The following SYNE2 variants were observed in gnomAD, a reference collection of about 807,000 sequenced individuals.
SYNE2 encodes nesprin-2.
A neutral mutation model predicts 856.3 loss-of-function variants in SYNE2; 431 were observed. The observed-to-expected ratio is 0.50, with a 90% confidence interval of 0.47 to 0.55. The LOEUF (loss-of-function observed/expected upper bound fraction) is 0.55, where lower values mean the gene tolerates loss of function less well. Ranked by LOEUF, SYNE2 falls within the 20% of genes least tolerant of loss-of-function variation. The pLI, the probability that SYNE2 is intolerant of heterozygous loss-of-function variation, is 0.00. For synonymous variants in SYNE2, 2,923 were observed against 2,872.3 expected, an observed-to-expected ratio of 1.02 and a Z score of -0.56; for missense variants, 8,129 against 8,023.2, an observed-to-expected ratio of 1.01 and a Z score of -0.50.
At chr14:63,789,661 C>T (rs779760372) in intron 1 of SYNE2, among the ~76,000 whole-genome samples, 6 of 151,894 alleles carry the variant, frequency 4.0e-5, no homozygotes, top group Non-Finnish European at 7.4e-5. Flanking sequence ...CACTGTAATC[C>T]CAGCTACTCT....
chr14:64,214,055 C>G, intron 105 of SYNE2, 139 bp from the exon 106 acceptor site: 3 of 1,310,764 alleles, frequency 2.3e-6, no homozygotes, highest in Non-Finnish European at 2.1e-6. Flanking sequence ...GACCTGGGAA[C>G]CTGATCTTTT....
intron 1 of SYNE2, among the ~76,000 whole-genome samples, chr14:63,902,407 C>CA (rs10533353): frequency 0.016 from 1,194 of 74,178 alleles, 30 homozygotes; most frequent in African/African-American, 0.044. Flanking sequence ...CGAGACTCCT[C>CA]AAAAAAAAAA....
intron 21 of SYNE2, among the ~76,000 whole-genome samples, chr14:63,993,531 C>T (rs760339043): frequency 1.3e-5 from 2 of 152,180 alleles, no homozygotes; most frequent in Admixed American, 6.5e-5. Context: ...TTTATAATTA[C>T]TTATCAATGG....
intron 1 of SYNE2, among the ~76,000 whole-genome samples, chr14:63,773,409 C>T (rs1886993928): frequency 1.3e-5 from 2 of 152,088 alleles, no homozygotes; most frequent in South Asian, 4.2e-4. Flanking sequence ...CCATGTTGCC[C>T]AGGCTGGTCT....
Position 64,024,413 on chromosome 14 carries a change from C to G in SYNE2, c.5794C>G (p.Gln1932Glu). Reference protein sequence around the residue: ...FELEKMESICQARAKELEDSL... With the variant: ...FELEKMESICEARAKELEDSL... ...ATTAGAAAAAATGGAGTCCATATGC[C>G]AGGCTCGAGCAAAGGAGCTTGAAGA... Residue 1932 changes from glutamine to glutamate, a missense_variant, in exon 39 of 116, where the codon CAG becomes GAG. This residue lies in a region of SYNE2 where 2,422 missense variants were observed against 2,357.4 expected (regional missense o/e 1.03). Transcript: ENST00000555002. 2 of 1,614,108 alleles carry G rather than the reference C, an allele frequency of 1.2e-6. No individual in the cohort carries two copies. The highest frequency in any genetic ancestry group is 1.7e-6 in the Non-Finnish European group (2 of 1,179,984).
At chr14:63,900,294 T>C (rs2153319581) in intron 1 of SYNE2, among the ~76,000 whole-genome samples, 1 of 152,356 alleles carries the variant, frequency 6.6e-6, no homozygotes. Context: ...GTTTTCACGC[T>C]GCTGATAAAG....
intron 10 of SYNE2, among the ~76,000 whole-genome samples, chr14:63,964,299 GT>G (rs1185163788): frequency 6.6e-6 from 1 of 152,148 alleles, no homozygotes; most frequent in Non-Finnish European, 1.5e-5. Flanking sequence ...GAGCAGCATG[GT>G]TTTAGAGCAG....
intron 7 of SYNE2, among the ~76,000 whole-genome samples, chr14:63,951,150 C>G (rs533241999): frequency 3.3e-5 from 5 of 151,970 alleles, no homozygotes. Context: ...GAACAGCTGT[C>G]GAGTTCAAAA....
intron 45 of SYNE2, among the ~76,000 whole-genome samples, chr14:64,045,159 T>A (rs1261620312): frequency 6.6e-6 from 1 of 152,198 alleles, no homozygotes; most frequent in Non-Finnish European, 1.5e-5. Context: ...CAAGGGATTC[T>A]GTTGGCTTTT....
chr14:64,102,151 C>A (rs2097735715), intron 64 of SYNE2, 109 bp downstream of exon 64: 1 of 779,578 alleles, frequency 1.3e-6, no homozygotes, highest in Non-Finnish European at 2.2e-6. Flanking sequence ...CGGACTCGCT[C>A]TGTCGCCCAG....
At chr14:64,059,156 G>A (rs76183884) in intron 49 of SYNE2, among the ~76,000 whole-genome samples, 1,824 of 152,142 alleles carry the variant, frequency 0.012, 40 homozygotes, top group African/African-American at 0.041. Context: ...CTCTGAAATT[G>A]GTTCCTGGTG....
At chr14:63,946,214 C>G (rs2096024152) in intron 6 of SYNE2, among the ~76,000 whole-genome samples, 1 of 151,870 alleles carries the variant, frequency 6.6e-6, no homozygotes, top group Admixed American at 6.6e-5. Flanking sequence ...TTGAGCCCAG[C>G]AATATAATAC....
At chr14:64,037,930 G>A (rs866551425) in intron 45 of SYNE2, among the ~76,000 whole-genome samples, 42 of 151,690 alleles carry the variant, frequency 2.8e-4, no homozygotes, top group South Asian at 2.5e-3. Context: ...GCGGCTGGCC[G>A]GGCGGGGGGC....
intron 96 of SYNE2, among the ~76,000 whole-genome samples, chr14:64,185,981 A>T (rs944800618): frequency 6.6e-6 from 1 of 152,260 alleles, no homozygotes; most frequent in African/African-American, 2.4e-5. Flanking sequence ...TGTTGCTGTT[A>T]CGTGATTGCC....
chr14:64,049,574 GA>G, intron 46 of SYNE2, 36 bp from the exon 47 acceptor site: 1 of 1,605,822 alleles, frequency 6.2e-7, no homozygotes, highest in Non-Finnish European at 8.5e-7. Flanking sequence ...ATAAATAAGT[GA>G]GTGTTTATTG....
At chr14:63,819,106 AT>A (rs1336722071) in intron 1 of SYNE2, among the ~76,000 whole-genome samples, 1 of 152,144 alleles carries the variant, frequency 6.6e-6, no homozygotes, top group Non-Finnish European at 1.5e-5. Context: ...AACTGCTTAT[AT>A]CTGATTGCTC....
chr14:63,788,391 G>A (rs1336814174), intron 1 of SYNE2, among the ~76,000 whole-genome samples: 1 of 152,118 alleles, frequency 6.6e-6, no homozygotes, highest in South Asian at 2.1e-4. Flanking sequence ...CGGCTCCTTG[G>A]AGCAGGAGGC....
rs1195311104 is a variant in SYNE2 at position 63,798,375 on chromosome 14, C to T, written c.-305+36389C>T. ...TTCTTGCATACGTCTTATCTAGAAACCTTAACTTGTTTTTTTTTTTTTCTT... is the reference window on the plus strand; with the variant it reads ...TTCTTGCATACGTCTTATCTAGAAATCTTAACTTGTTTTTTTTTTTTTCTT... On this transcript the variant is annotated intron_variant, in intron 1 of 23. Coordinates refer to the SYNE2 transcript ENST00000674003. 2.0e-5 allele frequency among the ~76,000 whole-genome samples: 3 copies of T among 151,824 alleles called. No individual in the cohort carries two copies. In the East Asian group the frequency reaches 5.8e-4, roughly 29 times the overall value.
At chr14:63,864,096 A>C (rs1894558022) in intron 1 of SYNE2, among the ~76,000 whole-genome samples, 1 of 152,212 alleles carries the variant, frequency 6.6e-6, no homozygotes, top group Non-Finnish European at 1.5e-5. Flanking sequence ...TACAGGTGTG[A>C]GCCACGGCGC....
Sources: gnomAD v4.1 joint callset for allele counts (sites outside exome capture counted in the v4.1 genomes callset) on GRCh38, gnomAD v4.1.1 for gene constraint, gnomAD v4.1.1 regional missense constraint, MANE v1.5 for transcripts, NCBI Gene and HGNC (gene_info 2026-07-23, HGNC 2026-07-21) for gene names.